The following LDAH variants were observed in gnomAD, a reference collection of about 807,000 sequenced individuals.
LDAH encodes the protein lipid droplet-associated hydrolase.
Under a neutral mutation model 29.6 loss-of-function variants are expected in LDAH, and 26 were observed. The observed-to-expected ratio is 0.88, with a 90% CI of 0.64 to 1.22. The LOEUF is 1.22. Among genes scored for constraint, LDAH ranks in the 50% most tolerant of loss-of-function variants. The probability of loss-of-function intolerance (pLI) is 0.00; values close to 1 mark genes in which losing one functional copy is unlikely to be tolerated. For synonymous variants in LDAH, 117 were observed against 133.0 expected, an observed-to-expected ratio of 0.88 and a Z score of 0.83; for missense variants, 344 against 387.3, an observed-to-expected ratio of 0.89 and a Z score of 0.94.
chr2:20,736,831 T>G (rs1666824310), intron 5 of LDAH, among the ~76,000 whole-genome samples: 1 of 152,202 alleles, frequency 6.6e-6, no homozygotes, highest in South Asian at 2.1e-4. Flanking sequence ...TTCTTTGTTT[T>G]AGTTCAAGAT....
chr2:20,769,076 G>A (rs144566757), intron 4 of LDAH, among the ~76,000 whole-genome samples: 3 of 151,968 alleles, frequency 2.0e-5, no homozygotes, highest in Admixed American at 6.6e-5. Flanking sequence ...ACACTCTGCC[G>A]CAACCCAGTC....
At chr2:20,688,835 T>C (rs1662775572) in intron 6 of LDAH, among the ~76,000 whole-genome samples, 4 of 146,258 alleles carry the variant, frequency 2.7e-5, no homozygotes, top group Admixed American at 2.7e-4. Flanking sequence ...TTCCTTTTTT[T>C]TTTTTTTTTT....
chr2:20,697,087 C>G (rs1458387756), intron 6 of LDAH, among the ~76,000 whole-genome samples: 2 of 151,730 alleles, frequency 1.3e-5, no homozygotes, highest in Non-Finnish European at 2.9e-5. Context: ...AGCTTTACAC[C>G]CATACATCCA....
intron 2 of LDAH, among the ~76,000 whole-genome samples, chr2:20,799,178 A>G (rs1295340787): frequency 2.0e-5 from 3 of 152,156 alleles, no homozygotes; most frequent in Non-Finnish European, 4.4e-5. Flanking sequence ...CAGTGAGCTG[A>G]GATCATACCA....
chr2:20,804,198 G>T (rs1671911999), intron 1 of LDAH, among the ~76,000 whole-genome samples: 1 of 152,194 alleles, frequency 6.6e-6, no homozygotes, highest in Non-Finnish European at 1.5e-5. Context: ...AGGGCTATGT[G>T]TCCCTGCCCA....
chr2:20,702,517 A>G (rs1275706750), intron 5 of LDAH, among the ~76,000 whole-genome samples: 3 of 152,186 alleles, frequency 2.0e-5, no homozygotes, highest in African/African-American at 4.8e-5. Context: ...GTCTGACGCC[A>G]GTCATCTTGC....
Position 20,774,907 on chromosome 2 carries a change from C to G in LDAH, c.371G>C (p.Arg124Thr), listed in dbSNP as rs551583881. The change falls in exon 4 of 7, where the codon AGA becomes ACA. Residue 124 changes from arginine to threonine, a missense_variant. Coordinates refer to ENST00000237822, the MANE Select transcript of LDAH (RefSeq NM_021925.4). ...GQIEHKLAFL[R>T]THVPKDMKLV... The stretch of plus-strand genomic sequence containing the variant: ...TTTCATGTCCTTTGGCACATGAGTT[C>G]TCAGGAAAGCTAGTTTGTGCTCTAT... The G allele has an allele frequency of 1.2e-6, 2 of 1,613,638 alleles. No individual in the cohort carries two copies. Among genetic ancestry groups the G allele is most frequent in the Non-Finnish European group, 1.7e-6 (2 of 1,179,914 alleles).
At chr2:20,781,512 A>C (rs1219703315) in intron 3 of LDAH, among the ~76,000 whole-genome samples, 2 of 152,238 alleles carry the variant, frequency 1.3e-5, no homozygotes, top group Non-Finnish European at 2.9e-5. Flanking sequence ...AGCAAATAAT[A>C]TATCTGTGTT....
intron 6 of LDAH, among the ~76,000 whole-genome samples, 166 bp from the exon 7 acceptor site, chr2:20,687,260 A>G (rs1662630613): frequency 4.6e-5 from 7 of 152,240 alleles, no homozygotes; most frequent in Admixed American, 4.6e-4. Flanking sequence ...GCAAGGCTTC[A>G]CGATGTACAG....
intron 5 of LDAH, among the ~76,000 whole-genome samples, chr2:20,738,470 C>G (rs1666958595): frequency 6.6e-6 from 1 of 152,012 alleles, no homozygotes; most frequent in Non-Finnish European, 1.5e-5. Flanking sequence ...ACTTTACTTA[C>G]TTAATAAACT....
At chr2:20,794,958 T>C (rs16982026) in intron 2 of LDAH, among the ~76,000 whole-genome samples, 22,352 of 152,110 alleles carry the variant, frequency 0.15, 4,029 homozygotes, top group African/African-American at 0.43. Flanking sequence ...TACTTCACCA[T>C]TTAAACCTCC....
intron 3 of LDAH, among the ~76,000 whole-genome samples, chr2:20,781,276 G>A (rs1414526843): frequency 6.6e-6 from 1 of 152,028 alleles, no homozygotes; most frequent in Non-Finnish European, 1.5e-5. Context: ...TGACATTGGT[G>A]AACATCTGTT....
chr2:20,725,596 G>T (rs1665958002), intron 5 of LDAH, among the ~76,000 whole-genome samples: 1 of 152,214 alleles, frequency 6.6e-6, no homozygotes, highest in Non-Finnish European at 1.5e-5. Context: ...TGTAGTAGAC[G>T]CAATGTAACT....
intron 3 of LDAH, among the ~76,000 whole-genome samples, chr2:20,786,006 A>C (rs962120658): frequency 6.6e-6 from 1 of 152,186 alleles, no homozygotes; most frequent in Admixed American, 6.5e-5. Context: ...ATAAGTATAT[A>C]TCTGACTCTG....
intron 4 of LDAH, among the ~76,000 whole-genome samples, chr2:20,749,547 C>T (rs1306855354): frequency 1.3e-5 from 2 of 152,172 alleles, no homozygotes; most frequent in Admixed American, 6.5e-5. Flanking sequence ...ATAGGGCACA[C>T]AGCACAGCCC....
chr2:20,732,178 T>G (rs1035181166), intron 5 of LDAH, among the ~76,000 whole-genome samples: 1 of 152,194 alleles, frequency 6.6e-6, no homozygotes, highest in Admixed American at 6.5e-5. Context: ...TATGTTAGAT[T>G]ATATTAATGG....
chr2:20,735,678 AT>A (rs1337724421), intron 5 of LDAH, among the ~76,000 whole-genome samples: 1 of 152,066 alleles, frequency 6.6e-6, no homozygotes, highest in East Asian at 1.9e-4. Context: ...TTTGAGTATT[AT>A]GTTATGAGAT....
chr2:20,693,464 A>G (rs1292313922), intron 6 of LDAH, among the ~76,000 whole-genome samples: 5 of 152,170 alleles, frequency 3.3e-5, no homozygotes, highest in Non-Finnish European at 2.9e-5. Flanking sequence ...TAAAAAATGT[A>G]CATGTCATAT....
chr2:20,687,378 T>C (rs963962783), intron 6 of LDAH, among the ~76,000 whole-genome samples: 1 of 152,224 alleles, frequency 6.6e-6, no homozygotes, highest in Non-Finnish European at 1.5e-5. Context: ...TTTTGTGTAC[T>C]AAGGTTGGGA....
Sources: allele counts gnomAD v4.1 joint callset (sites outside exome capture counted in the v4.1 genomes callset), GRCh38; gene constraint gnomAD v4.1.1; transcripts MANE v1.5; gene names NCBI Gene and HGNC (gene_info 2026-07-23, HGNC 2026-07-21).